The following HTR7 variants were observed in gnomAD, a reference collection of about 807,000 sequenced individuals.
HTR7 encodes 5-HT-7.
A neutral mutation model predicts 34.0 loss-of-function variants in HTR7; 16 were observed. The observed-to-expected ratio is 0.47, with a 90% CI of 0.32 to 0.71. The LOEUF (loss-of-function observed/expected upper bound fraction) is 0.71. HTR7 is among the 30% of genes least tolerant of loss of function. The pLI, the probability that HTR7 is intolerant of heterozygous loss-of-function variation, is 0.04. For missense variants in HTR7, 504 were observed against 625.5 expected, an observed-to-expected ratio of 0.81 and a Z score of 2.07; for synonymous variants, 265 against 260.2, an observed-to-expected ratio of 1.02 and a Z score of -0.18.
chr10:90,784,625 T>C (rs1294898770), intron 1 of HTR7, among the ~76,000 whole-genome samples: 1 of 152,220 alleles, frequency 6.6e-6, no homozygotes, highest in African/African-American at 2.4e-5. Context: ...GAATTACAAC[T>C]GAGCCAATAT....
chr10:90,753,955 A>G (rs1425462665), intron 1 of HTR7, among the ~76,000 whole-genome samples: 2 of 152,092 alleles, frequency 1.3e-5, no homozygotes, highest in Non-Finnish European at 2.9e-5. Flanking sequence ...GTCTACAAGA[A>G]TATCAACTAA....
Position 90,857,049 on chromosome 10 carries a change from T to A in HTR7, c.539+84A>T. 1 of 1,274,096 alleles carries A rather than the reference T, an allele frequency of 7.8e-7. No homozygotes were observed. The highest frequency in any genetic ancestry group is 1.1e-6 in the Non-Finnish European group (1 of 934,234). 78.9% of individuals were successfully genotyped at this position (1,274,096 alleles called of 1,614,324 possible). On this transcript the variant is annotated intron_variant, in intron 1 of 3. Coordinates refer to ENST00000336152, the MANE Select transcript of HTR7 (RefSeq NM_019859.4). The surrounding 1 kb of genome is among the most constrained non-coding windows in gnomAD (Gnocchi z 6.5). ...CATCCCGCCTTGAAGTCTAGCTTGA[T>A]CCTCCCAGGAAAGGCGAGCGCGCGG...
intron 1 of HTR7, among the ~76,000 whole-genome samples, chr10:90,805,264 C>T (rs1258076356): frequency 6.6e-6 from 1 of 152,182 alleles, no homozygotes; most frequent in Non-Finnish European, 1.5e-5. Context: ...CTAAAAACCA[C>T]ATGCTTTATT....
chr10:90,781,577 C>CT (rs1383419857), intron 1 of HTR7, among the ~76,000 whole-genome samples: 2 of 152,056 alleles, frequency 1.3e-5, no homozygotes, highest in African/African-American at 4.8e-5. Context: ...TTAAAAAATC[C>CT]TTTTCCTAGA....
chr10:90,799,569 C>A (rs539359845), intron 1 of HTR7, among the ~76,000 whole-genome samples: 2 of 152,216 alleles, frequency 1.3e-5, no homozygotes, highest in South Asian at 4.1e-4. Context: ...TTCTAGGACT[C>A]CCCGCAAATC....
intron 1 of HTR7, among the ~76,000 whole-genome samples, chr10:90,809,527 C>T (rs548868947): frequency 7.9e-4 from 120 of 152,322 alleles, no homozygotes; most frequent in Admixed American, 1.4e-3. Flanking sequence ...AACCCCACAA[C>T]GGGATTAATT....
intron 1 of HTR7, among the ~76,000 whole-genome samples, chr10:90,853,159 G>A (rs1242143751): frequency 1.3e-5 from 2 of 151,314 alleles, no homozygotes; most frequent in South Asian, 2.1e-4. Flanking sequence ...TCCTGAATTT[G>A]GCGTCAACCA....
At chr10:90,803,200 A>C (rs1444907659) in intron 1 of HTR7, among the ~76,000 whole-genome samples, 1 of 152,054 alleles carries the variant, frequency 6.6e-6, no homozygotes, top group Non-Finnish European at 1.5e-5. Flanking sequence ...AATAAAAGGA[A>C]GTAAAGTACA....
chr10:90,786,886 G>A (rs953245521), intron 1 of HTR7, among the ~76,000 whole-genome samples: 14 of 152,186 alleles, frequency 9.2e-5, no homozygotes, highest in African/African-American at 3.1e-4. Flanking sequence ...CTTCATGGAC[G>A]CCTTCCTCTC....
chr10:90,779,482 A>G (rs1284582791), intron 1 of HTR7, among the ~76,000 whole-genome samples: 5 of 152,254 alleles, frequency 3.3e-5, no homozygotes. Flanking sequence ...CGTATACTGC[A>G]CTGGTCCAAA....
At chr10:90,789,157 A>G (rs1370634499) in intron 1 of HTR7, among the ~76,000 whole-genome samples, 1 of 152,218 alleles carries the variant, frequency 6.6e-6, no homozygotes, top group Non-Finnish European at 1.5e-5. Flanking sequence ...TGAAACCAGA[A>G]GTAAATAATG....
intron 1 of HTR7, among the ~76,000 whole-genome samples, chr10:90,838,032 C>T (rs141029583): frequency 2.0e-5 from 3 of 152,248 alleles, no homozygotes; most frequent in African/African-American, 7.2e-5. Context: ...AACATTTTAT[C>T]CCTCAAAGCT....
At chr10:90,852,171 C>A (rs1448777135) in intron 1 of HTR7, among the ~76,000 whole-genome samples, 1 of 141,594 alleles carries the variant, frequency 7.1e-6, no homozygotes, top group Non-Finnish European at 1.5e-5. Context: ...CCAGCCTGGG[C>A]AACATAGCGA....
chr10:90,801,334 G>C (rs1252027083), intron 1 of HTR7, among the ~76,000 whole-genome samples: 2 of 152,044 alleles, frequency 1.3e-5, no homozygotes, highest in East Asian at 3.9e-4. Flanking sequence ...CATTAGATTT[G>C]ACCAACTCTT....
At chr10:90,747,884 C>A (rs1038473608) in intron 2 of HTR7, among the ~76,000 whole-genome samples, 12 of 152,222 alleles carry the variant, frequency 7.9e-5, no homozygotes, top group African/African-American at 2.9e-4. Flanking sequence ...CTCTACCTCA[C>A]ATTTAAAACA....
chr10:90,746,403 T>C (rs1002832162), intron 2 of HTR7, among the ~76,000 whole-genome samples: 2 of 152,202 alleles, frequency 1.3e-5, no homozygotes, highest in East Asian at 1.9e-4. Flanking sequence ...CATGCAAATA[T>C]AGCAGTGTTT....
At chr10:90,806,218 T>G (rs1020627063) in intron 1 of HTR7, among the ~76,000 whole-genome samples, 4 of 151,996 alleles carry the variant, frequency 2.6e-5, no homozygotes, top group African/African-American at 9.7e-5. Flanking sequence ...ATTAAATGGA[T>G]AGAAAGAGAA....
At chr10:90,802,180 G>T (rs1461523816) in intron 1 of HTR7, among the ~76,000 whole-genome samples, 1 of 152,148 alleles carries the variant, frequency 6.6e-6, no homozygotes, top group African/African-American at 2.4e-5. Context: ...TTTCCCTCTT[G>T]TCTTGTTTTA....
At chr10:90,824,752 G>A (rs951912699) in intron 1 of HTR7, among the ~76,000 whole-genome samples, 2 of 152,244 alleles carry the variant, frequency 1.3e-5, no homozygotes, top group Admixed American at 1.3e-4. Flanking sequence ...TCATGGGCCT[G>A]GGGTAATGGT....
Sources: allele counts gnomAD v4.1 joint callset (sites outside exome capture counted in the v4.1 genomes callset), GRCh38; gene constraint gnomAD v4.1.1; non-coding constraint Gnocchi (gnomAD v3.1); transcripts MANE v1.5; gene names NCBI Gene and HGNC (gene_info 2026-07-23, HGNC 2026-07-21).